IQCM: variants seen among roughly 807,000 people sequenced by gnomAD.
The protein encoded by IQCM is IQ domain-containing protein M.
A neutral mutation model predicts 57.6 loss-of-function variants in IQCM; 45 were observed. The observed-to-expected ratio is 0.78, with a 90% confidence interval of 0.62 to 1.00. The LOEUF (loss-of-function observed/expected upper bound fraction) is 1.00, where lower values mean the gene tolerates loss of function less well. Ranked by LOEUF, IQCM falls within the 50% of genes least tolerant of loss-of-function variation. The pLI is 0.00. For synonymous variants in IQCM, 148 were observed against 158.9 expected (o/e 0.93, Z 0.51); for missense variants, 468 against 511.6 (o/e 0.91, Z 0.82).
intron 2 of IQCM, chr4:149,793,717 C>T (rs192889670): frequency 7.2e-5 from 11 of 151,862 alleles, no homozygotes; most frequent in Non-Finnish European, 1.5e-4. Flanking sequence ...ATGATAGAAT[C>T]TATAAAATAT....
intron 12 of IQCM, among the ~76,000 whole-genome samples, chr4:149,515,822 A>C (rs1744900436): frequency 6.6e-6 from 1 of 152,200 alleles, no homozygotes. Flanking sequence ...ACTGGTGACA[A>C]AGAAATTTGG....
intron 8 of IQCM, among the ~76,000 whole-genome samples, chr4:149,617,723 T>C (rs1395561623): frequency 6.6e-6 from 1 of 152,038 alleles, no homozygotes; most frequent in African/African-American, 2.4e-5. Flanking sequence ...AATGATCAAG[T>C]TGGAAACCAA....
chr4:149,480,157 A>AT (rs957355450), intron 12 of IQCM, among the ~76,000 whole-genome samples: 17 of 151,768 alleles, frequency 1.1e-4, no homozygotes, highest in Non-Finnish European at 1.8e-4. Flanking sequence ...CCAATTGTGC[A>AT]TTTTTTTTAG....
chr4:149,418,456 C>T (rs1733906238), intron 13 of IQCM, among the ~76,000 whole-genome samples: 1 of 151,916 alleles, frequency 6.6e-6, no homozygotes, highest in African/African-American at 2.4e-5. Flanking sequence ...AAATAGCCTA[C>T]CAAGGAAAAA....
chr4:149,380,917 A>G (rs1731033806), intron 13 of IQCM, among the ~76,000 whole-genome samples: 1 of 152,142 alleles, frequency 6.6e-6, no homozygotes, highest in Non-Finnish European at 1.5e-5. Flanking sequence ...TTGAGAAAAA[A>G]GTTTCTTTAA....
intron 9 of IQCM, among the ~76,000 whole-genome samples, chr4:149,582,623 G>C (rs1752316123): frequency 6.6e-6 from 1 of 151,310 alleles, no homozygotes; most frequent in African/African-American, 2.4e-5. Flanking sequence ...TTTGGAAAGA[G>C]AGTTTTAGTA....
intron 2 of IQCM, among the ~76,000 whole-genome samples, chr4:149,752,253 C>T (rs1273242950): frequency 1.3e-5 from 2 of 151,914 alleles, no homozygotes; most frequent in African/African-American, 2.4e-5. Context: ...TTTTTCTCAT[C>T]GATATCTGGC....
intron 2 of IQCM, among the ~76,000 whole-genome samples, chr4:149,774,966 T>G (rs1580265521): frequency 6.6e-6 from 1 of 150,710 alleles, no homozygotes. Context: ...TTGGACAGGT[T>G]CATGAGTTTT....
intron 12 of IQCM, among the ~76,000 whole-genome samples, chr4:149,508,964 T>C (rs1744121649): frequency 6.6e-6 from 1 of 152,066 alleles, no homozygotes. Flanking sequence ...AAAGGGGAGT[T>C]TCCCTGCACA....
intron 13 of IQCM, among the ~76,000 whole-genome samples, chr4:149,376,689 T>C (rs990947102): frequency 6.6e-6 from 1 of 152,178 alleles, no homozygotes; most frequent in East Asian, 1.9e-4. Flanking sequence ...ACCAGATTAA[T>C]ATTTATGTGG....
chr4:149,516,877 G>A (rs545958476), intron 12 of IQCM, among the ~76,000 whole-genome samples: 2 of 152,042 alleles, frequency 1.3e-5, no homozygotes, highest in Non-Finnish European at 2.9e-5. Flanking sequence ...AACAGGCTAA[G>A]AAGGGAGTTA....
intron 12 of IQCM, among the ~76,000 whole-genome samples, chr4:149,546,010 AC>A (rs1275555982): frequency 6.6e-6 from 1 of 151,704 alleles, no homozygotes; most frequent in Admixed American, 6.6e-5. Context: ...GATGTTCCCC[AC>A]CCTGTGTCCA....
chr4:149,591,616 C>T (rs756055027), intron 8 of IQCM, among the ~76,000 whole-genome samples: 5 of 151,996 alleles, frequency 3.3e-5, no homozygotes, highest in East Asian at 1.9e-4. Flanking sequence ...TCCCACCCCA[C>T]GACAGGCCCC....
In IQCM at chr4:149,540,498, T is replaced by C. The variant is rs533423560; in HGVS notation, c.1228+7957A>G. Reference sequence around the variant, plus strand: ...CAGATCAGTGGTTGGTTGGGGCTGATAGTAGCAATAGAGATTGACTGTCGT... The same window carrying C: ...CAGATCAGTGGTTGGTTGGGGCTGACAGTAGCAATAGAGATTGACTGTCGT... On this transcript the variant is annotated intron_variant, in intron 12 of 13. Coordinates refer to ENST00000636793, the MANE Select transcript of IQCM (RefSeq NM_001363507.2). Among the ~76,000 whole-genome samples, 80 of 151,952 alleles carry C rather than the reference T, an allele frequency of 5.3e-4. 1 individual carries two copies. The South Asian group carries it at 0.015, about 29-fold the overall frequency.
At chr4:149,488,139 A>C (rs530922631) in intron 12 of IQCM, among the ~76,000 whole-genome samples, 2 of 152,268 alleles carry the variant, frequency 1.3e-5, no homozygotes, top group South Asian at 4.1e-4. Context: ...AAAATTCTTC[A>C]TATAAATTTA....
chr4:149,454,768 T>C (rs746888661), intron 12 of IQCM, among the ~76,000 whole-genome samples: 1 of 152,016 alleles, frequency 6.6e-6, no homozygotes, highest in Non-Finnish European at 1.5e-5. Context: ...TCATGTATGA[T>C]TCCATTTATG....
At chr4:149,481,636 G>A (rs1462116170) in intron 12 of IQCM, among the ~76,000 whole-genome samples, 2 of 116,080 alleles carry the variant, frequency 1.7e-5, no homozygotes, top group Non-Finnish European at 3.5e-5. Flanking sequence ...ACAGTACCAT[G>A]TTCTTTTGGT....
At chr4:149,539,171 G>A (rs1747599092) in intron 12 of IQCM, among the ~76,000 whole-genome samples, 1 of 152,062 alleles carries the variant, frequency 6.6e-6, no homozygotes, top group South Asian at 2.1e-4. Flanking sequence ...ATCAACTAAT[G>A]AGTAGATAAA....
intron 9 of IQCM, among the ~76,000 whole-genome samples, chr4:149,585,539 A>G (rs1474741309): frequency 2.6e-5 from 4 of 151,606 alleles, no homozygotes; most frequent in African/African-American, 9.7e-5. Context: ...TATATTGTTC[A>G]CTACTTTGCT....
Sources: allele counts gnomAD v4.1 joint callset (sites outside exome capture counted in the v4.1 genomes callset), GRCh38; gene constraint gnomAD v4.1.1; transcripts MANE v1.5; gene names NCBI Gene and HGNC (gene_info 2026-07-23, HGNC 2026-07-21).